ARMCX4: variants seen among roughly 807,000 people sequenced by gnomAD.
The protein encoded by ARMCX4 is armadillo repeat containing X-linked 4.
Under a neutral mutation model 34.7 loss-of-function variants are expected in ARMCX4, and 3 were observed. The observed-to-expected ratio is 0.09, with a 90% CI of 0.04 to 0.22. The LOEUF (loss-of-function observed/expected upper bound fraction) is 0.22, where lower values mean the gene tolerates loss of function less well. Among genes scored for constraint, ARMCX4 ranks in the 10% least tolerant of loss-of-function variants. The pLI, the probability that ARMCX4 is intolerant of heterozygous loss-of-function variation, is 1.00. For synonymous variants in ARMCX4, 513 were observed against 632.8 expected, an observed-to-expected ratio of 0.81 and a Z score of 2.84; for missense variants, 1,448 against 1,720.8, an observed-to-expected ratio of 0.84 and a Z score of 2.81.
At chrX:101,423,158 C>T (rs1052996650) in intron 2 of ARMCX4, among the ~76,000 whole-genome samples, 1 of 109,619 alleles carries the variant, frequency 9.1e-6, no homozygotes, top group African/African-American at 3.3e-5. Flanking sequence ...GATCCACTGG[C>T]CTCGGCCCCC....
At chrX:101,433,006 A>ATATGTG (rs1930292880) in intron 2 of ARMCX4, among the ~76,000 whole-genome samples, 1 of 47,395 alleles carries the variant, frequency 2.1e-5, no homozygotes, top group Non-Finnish European at 5.5e-5. Flanking sequence ...ATATATGTGT[A>ATATGTG]TATATACACA....
At chrX:101,454,279 T>C (rs1402386001) in intron 4 of ARMCX4, among the ~76,000 whole-genome samples, 1 of 107,522 alleles carries the variant, frequency 9.3e-6, no homozygotes, top group Non-Finnish European at 1.9e-5. Flanking sequence ...TCTTTTTTTT[T>C]TTTTATTTTT....
chrX:101,459,326 A>C (rs1444387752), intron 4 of ARMCX4, among the ~76,000 whole-genome samples: 2 of 111,935 alleles, frequency 1.8e-5, no homozygotes, highest in African/African-American at 6.5e-5. Context: ...AGCTGAATTG[A>C]CTTTCTTCTT....
At chrX:101,423,770 G>A (rs1433605087) in intron 2 of ARMCX4, among the ~76,000 whole-genome samples, 2 of 111,919 alleles carry the variant, frequency 1.8e-5, no homozygotes, top group Admixed American at 1.9e-4. Context: ...CCCAGCCTCT[G>A]GGGAAGGGAG....
At chrX:101,521,955 T>C (rs782407601) in intron 11 of ARMCX4, among the ~76,000 whole-genome samples, 1 of 111,746 alleles carries the variant, frequency 8.9e-6, no homozygotes, top group Non-Finnish European at 1.9e-5. Flanking sequence ...CATGTGTCCT[T>C]GAGAAGAATA....
downstream of ARMCX4, among the ~76,000 whole-genome samples, chrX:101,535,638 G>C (rs1289914614): frequency 9.0e-6 from 1 of 111,071 alleles, no homozygotes; most frequent in Admixed American, 9.6e-5. Context: ...TTGGAAAAAT[G>C]ACATTTCCAA....
At chrX:101,503,013 C>T (rs1934342139) in intron 7 of ARMCX4, among the ~76,000 whole-genome samples, 2 of 98,971 alleles carry the variant, frequency 2.0e-5, no homozygotes, top group Non-Finnish European at 4.0e-5. Context: ...TCAATTCCCA[C>T]CTATGAGTGA....
chrX:101,435,389 T>C (rs1398021603), intron 2 of ARMCX4, among the ~76,000 whole-genome samples: 4 of 111,787 alleles, frequency 3.6e-5, no homozygotes, highest in African/African-American at 1.3e-4. Context: ...TGATGGCCAG[T>C]GATGATGAGC....
At chrX:101,505,437 G>C (rs1556014916) in intron 8 of ARMCX4, 1 of 111,871 alleles carries the variant, frequency 8.9e-6, no homozygotes, top group African/African-American at 3.2e-5. Flanking sequence ...CTAAGACACT[G>C]TGGGACTTCC....
intron 2 of ARMCX4, among the ~76,000 whole-genome samples, chrX:101,421,991 GTTATTATTA>G (rs200537627): frequency 1.3e-3 from 126 of 96,387 alleles, no homozygotes; most frequent in East Asian, 5.6e-3. Context: ...TGGGGGATCA[GTTATTATTA>G]TTATTATTAT....
chrX:101,525,727 C>T (rs1448504734), intron 11 of ARMCX4, among the ~76,000 whole-genome samples: 1 of 109,855 alleles, frequency 9.1e-6, no homozygotes, highest in African/African-American at 3.3e-5. Context: ...ACCGATTCAA[C>T]CAAGTGGAAG....
At chrX:101,474,343 G>A (rs1338271574) in intron 4 of ARMCX4, among the ~76,000 whole-genome samples, 2 of 107,760 alleles carry the variant, frequency 1.9e-5, no homozygotes, top group Non-Finnish European at 3.8e-5. Context: ...AAAGAGTCCA[G>A]GACCAGATGG....
intron 3 of ARMCX4, among the ~76,000 whole-genome samples, chrX:101,444,555 T>G (rs1209960267): frequency 1.8e-5 from 2 of 112,192 alleles, no homozygotes; most frequent in African/African-American, 6.5e-5. Flanking sequence ...ATTCTTCTCA[T>G]TGGCAATACA....
rs1262587519 is a variant in ARMCX4, at chrX:101,488,879, A to G, written c.290A>G (p.His97Arg). 8.7e-7 allele frequency: 1 copy of G among 1,154,453 alleles called. No homozygotes were observed. The highest frequency in any genetic ancestry group is 1.8e-5 in the African/African-American group (1 of 55,782). ...VETKATAIAI[H>R]RANSQAKAMV... ...ACCAAGGCCACTGCTATAGCCATAC[A>G]CAGAGCCAACTCTCAGGCCAAGGCA... Residue 97 changes from histidine (H) to arginine (R), a missense_variant, in exon 6 of 6, where the codon CAC (histidine) becomes CGC (arginine). This residue lies in a region of ARMCX4 where 1,343 missense variants were observed against 1,540.7 expected (regional missense o/e 0.87). Coordinates refer to ENST00000423738, the MANE Select transcript of ARMCX4 (RefSeq NM_001256155.3).
chrX:101,498,261 A>G, downstream of ARMCX4: 1 of 309,176 alleles, frequency 3.2e-6, no homozygotes, highest in East Asian at 1.0e-4. Flanking sequence ...TCGAGAAAGC[A>G]AACACTGTGA....
chrX:101,489,261 C>T lies in ARMCX4; in HGVS notation c.672C>T (p.Ala224=). 8.7e-7 allele frequency: 1 copy of T among 1,155,541 alleles called. No individual in the cohort carries two copies. The change falls in exon 6 of 6, where the codon GCC becomes GCT. Residue 224 remains alanine, a synonymous_variant. Coordinates refer to ENST00000423738, the MANE Select transcript of ARMCX4 (RefSeq NM_001256155.3). ...CCAGGGAAGTGGCCAAGATGGGGGC[C>T]ACGAACAAGACTGGAATTGTGGATG... ...AVPREVAKMG[A]TNKTGIVDET... is the part of the protein sequence containing the mutation.
At chrX:101,470,071 T>C (rs1932865019) in intron 4 of ARMCX4, among the ~76,000 whole-genome samples, 1 of 111,966 alleles carries the variant, frequency 8.9e-6, no homozygotes, top group Non-Finnish European at 1.9e-5. Flanking sequence ...TAAAAGTTGC[T>C]GTCTAATGTC....
At chrX:101,469,575 T>G (rs1932854414) in intron 4 of ARMCX4, among the ~76,000 whole-genome samples, 1 of 112,152 alleles carries the variant, frequency 8.9e-6, no homozygotes, top group Non-Finnish European at 1.9e-5. Context: ...TATATTGAAG[T>G]ATAATTTATA....
At chrX:101,505,936 G>C (rs1287525477) in intron 8 of ARMCX4, among the ~76,000 whole-genome samples, 1 of 111,880 alleles carries the variant, frequency 8.9e-6, no homozygotes, top group Non-Finnish European at 1.9e-5. Context: ...CCACCTCCTG[G>C]GTTCAAGCGA....
Sources: allele counts gnomAD v4.1 joint callset (sites outside exome capture counted in the v4.1 genomes callset), GRCh38; gene constraint gnomAD v4.1.1; regional missense constraint gnomAD v4.1.1; transcripts MANE v1.5; gene names NCBI Gene and HGNC (gene_info 2026-07-23, HGNC 2026-07-21).